ADGRL2: variants seen among roughly 807,000 people sequenced by gnomAD.
The protein encoded by ADGRL2 is calcium-independent alpha-latrotoxin receptor 2.
A neutral mutation model predicts 157.4 loss-of-function variants in ADGRL2; 44 were observed. That is an observed-to-expected ratio of 0.28 (90% CI 0.22 to 0.36). ADGRL2 has a LOEUF of 0.36. Among genes scored for constraint, ADGRL2 ranks in the 10% least tolerant of loss-of-function variants. The pLI is 1.00. For synonymous variants in ADGRL2, 585 were observed against 624.7 expected, an observed-to-expected ratio of 0.94 and a Z score of 0.95; for missense variants, 1,510 against 1,768.9, an observed-to-expected ratio of 0.85 and a Z score of 2.63.
intron 2 of ADGRL2, among the ~76,000 whole-genome samples, chr1:81,840,462 T>A (rs2092525038): frequency 6.6e-6 from 1 of 152,114 alleles, no homozygotes; most frequent in Non-Finnish European, 1.5e-5. Flanking sequence ...TCCAAATTCA[T>A]AAGGACTTAC....
intron 1 of ADGRL2, among the ~76,000 whole-genome samples, chr1:81,730,523 G>A (rs1413964209): frequency 1.3e-5 from 2 of 152,094 alleles, no homozygotes; most frequent in South Asian, 2.1e-4. Context: ...AGGAGTTCGC[G>A]ACCAGCCTAG....
chr1:81,632,285 G>A (rs1386220221), intron 3 of ADGRL2, among the ~76,000 whole-genome samples: 4 of 152,158 alleles, frequency 2.6e-5, no homozygotes, highest in African/African-American at 9.7e-5. Context: ...GATAAAGAGC[G>A]ACAGAGTCAG....
chr1:81,792,025 G>A (rs1037593064), intron 2 of ADGRL2, among the ~76,000 whole-genome samples: 5 of 151,884 alleles, frequency 3.3e-5, no homozygotes, highest in Non-Finnish European at 7.4e-5. Context: ...TTTCCTTTCC[G>A]TGCGTATTTC....
rs2080583687 is a variant in ADGRL2, at chr1:81,567,275, C to A, written c.-247-13601C>A. Among the ~76,000 whole-genome samples the A allele has an allele frequency of 2.6e-5, 4 of 152,006 alleles. No individual in the cohort carries two copies. The South Asian group carries it at 6.2e-4, about 24-fold the overall frequency. ...ATTAAAATAAGCAAAATTTAAAATTCAATACTTCAGTCACACTAGCCACAT... is the reference window on the plus strand; with the variant it reads ...ATTAAAATAAGCAAAATTTAAAATTAAATACTTCAGTCACACTAGCCACAT... On this transcript the variant is annotated intron_variant, in intron 2 of 24. Transcript: ENST00000370721.
chr1:81,847,969 G>C (rs3790942), intron 2 of ADGRL2, among the ~76,000 whole-genome samples: 11,813 of 151,662 alleles, frequency 0.078, 534 homozygotes, highest in South Asian at 0.16. Flanking sequence ...GTATAGGATG[G>C]AAGTACTTGA....
At chr1:81,698,324 C>T (rs1365228500), upstream of ADGRL2, among the ~76,000 whole-genome samples, 1 of 152,182 alleles carries the variant, frequency 6.6e-6, no homozygotes, top group Admixed American at 6.5e-5. Flanking sequence ...TTACTGCTCA[C>T]ATGTATGTGC....
At chr1:81,801,283 G>A (rs187271563) in intron 1 of ADGRL2, among the ~76,000 whole-genome samples, 5 of 152,292 alleles carry the variant, frequency 3.3e-5, no homozygotes, top group African/African-American at 1.2e-4. Flanking sequence ...CGCTGTACAC[G>A]CTAGTATGTT....
intron 1 of ADGRL2, among the ~76,000 whole-genome samples, chr1:81,803,596 G>A (rs1355541896): frequency 6.6e-6 from 1 of 151,628 alleles, no homozygotes; most frequent in Non-Finnish European, 1.5e-5. Context: ...ACAAACTGTT[G>A]TCTCAGATTC....
chr1:81,864,853 G>A (rs1005386560), intron 2 of ADGRL2, among the ~76,000 whole-genome samples: 1 of 152,136 alleles, frequency 6.6e-6, no homozygotes, highest in Non-Finnish European at 1.5e-5. Flanking sequence ...GGGTGTTGTG[G>A]TGGGTGCCTG....
intron 17 of ADGRL2, among the ~76,000 whole-genome samples, chr1:81,973,544 G>A (rs1479701326): frequency 1.3e-5 from 2 of 152,072 alleles, no homozygotes; most frequent in Non-Finnish European, 2.9e-5. Flanking sequence ...GATAAGTACT[G>A]ACTTTAGATC....
At chr1:81,508,780 A>G (rs1325856435) in intron 2 of ADGRL2, among the ~76,000 whole-genome samples, 1 of 152,176 alleles carries the variant, frequency 6.6e-6, no homozygotes. Context: ...GAATGTTCTC[A>G]ACATTGTTCC....
At chr1:81,306,979 ATTT>A (rs1659382776) in intron 1 of ADGRL2, among the ~76,000 whole-genome samples, 1 of 152,176 alleles carries the variant, frequency 6.6e-6, no homozygotes, top group Non-Finnish European at 1.5e-5. Context: ...ATTTTACTTT[ATTT>A]TGCTGCAAAG....
intron 2 of ADGRL2, among the ~76,000 whole-genome samples, chr1:81,545,024 C>A (rs1379725643): frequency 6.6e-6 from 1 of 152,126 alleles, no homozygotes; most frequent in African/African-American, 2.4e-5. Flanking sequence ...ACGAGACATC[C>A]CTGGTTCCAT....
chr1:81,799,110 C>G (rs188469436), upstream of ADGRL2, among the ~76,000 whole-genome samples: 1 of 152,154 alleles, frequency 6.6e-6, no homozygotes, highest in African/African-American at 2.4e-5. Context: ...TTCTTTTCAA[C>G]GACTTGAAGT....
At chr1:81,939,454 T>A (rs576289653) in intron 4 of ADGRL2, among the ~76,000 whole-genome samples, 15 of 151,696 alleles carry the variant, frequency 9.9e-5, no homozygotes, top group African/African-American at 3.6e-4. Context: ...ATTGTAAAAC[T>A]ACTATAATAT....
intron 2 of ADGRL2, among the ~76,000 whole-genome samples, chr1:81,518,722 G>A (rs758418124): frequency 2.6e-5 from 4 of 151,258 alleles, no homozygotes; most frequent in Non-Finnish European, 4.4e-5. Flanking sequence ...TAGGCTTGGC[G>A]TTGTGGAGGA....
At chr1:81,801,275 CTGT>C (rs1385857650) in intron 1 of ADGRL2, among the ~76,000 whole-genome samples, 3 of 152,174 alleles carry the variant, frequency 2.0e-5, no homozygotes, top group Non-Finnish European at 4.4e-5. Context: ...TCCTTTGACG[CTGT>C]ACACGCTAGT....
At chr1:81,427,294 A>T (rs2077235576) in intron 1 of ADGRL2, 2 of 732,542 alleles carry the variant, frequency 2.7e-6, no homozygotes, top group Non-Finnish European at 5.0e-6. Flanking sequence ...ATGGACTTAG[A>T]GGCGATGGTG....
chr1:81,673,763 C>T (rs958543340), intron 3 of ADGRL2, among the ~76,000 whole-genome samples: 6 of 152,008 alleles, frequency 3.9e-5, no homozygotes, highest in African/African-American at 7.2e-5. Context: ...GTGATCTGCC[C>T]GCCTCGGCCT....
Sources: allele counts gnomAD v4.1 joint callset (sites outside exome capture counted in the v4.1 genomes callset), GRCh38; gene constraint gnomAD v4.1.1; transcripts MANE v1.5; gene names NCBI Gene and HGNC (gene_info 2026-07-23, HGNC 2026-07-21).